Variants in SLC2A7 observed in about 807,000 individuals in gnomAD.
SLC2A7 encodes solute carrier family 2, facilitated glucose transporter member 7.
SLC2A7 carries 50 observed loss-of-function variants against 50.5 expected under a neutral mutation model. The ratio of observed to expected loss-of-function variants is 0.99; its 90% confidence interval spans 0.79 to 1.25. The LOEUF (loss-of-function observed/expected upper bound fraction) is 1.25, where lower values mean the gene tolerates loss of function less well. SLC2A7 is among the 50% of genes most tolerant of loss of function. SLC2A7 has a pLI of 0.00. For synonymous variants in SLC2A7, 308 were observed against 300.4 expected, an observed-to-expected ratio of 1.03 and a Z score of -0.26; for missense variants, 683 against 679.1, an observed-to-expected ratio of 1.01 and a Z score of -0.06.
intron 9 of SLC2A7, among the ~76,000 whole-genome samples, chr1:9,009,695 G>A (rs1640715874): frequency 1.3e-5 from 2 of 152,114 alleles, no homozygotes; most frequent in South Asian, 2.1e-4. Context: ...TGGGCTCAAT[G>A]GGTCCTCCTG....
At chr1:9,011,972 A>T (rs751230913) in intron 8 of SLC2A7, among the ~76,000 whole-genome samples, 30 of 150,282 alleles carry the variant, frequency 2.0e-4, no homozygotes, top group Non-Finnish European at 4.3e-4. Context: ...CTGGTCTCGA[A>T]CTCCTGACGT....
At position 9,026,369 on chromosome 1, in the gene SLC2A7, T is replaced by G. The variant is rs1201936934; in HGVS notation, c.-24A>C. 1 of 1,590,244 alleles carries G rather than the reference T, an allele frequency of 6.3e-7. No homozygotes were observed. Among genetic ancestry groups the G allele is most frequent in the Non-Finnish European group, 8.6e-7 (1 of 1,166,828 alleles). On this transcript the variant is annotated 5_prime_UTR_variant, in exon 1 of 12. Transcript: ENST00000400906. ...ATCCTTGTTCAGGTGGGAGAACAGGTGTGCTCTACCTCCCAAGTGACACCT... is the reference window on the plus strand; with the variant it reads ...ATCCTTGTTCAGGTGGGAGAACAGGGGTGCTCTACCTCCCAAGTGACACCT...
intron 1 of SLC2A7, among the ~76,000 whole-genome samples, chr1:9,025,662 T>C (rs1302097228): frequency 6.6e-6 from 1 of 152,194 alleles, no homozygotes; most frequent in Non-Finnish European, 1.5e-5. Flanking sequence ...TGCTTGCCTC[T>C]GCCTCTAGAA....
intron 5 of SLC2A7, among the ~76,000 whole-genome samples, chr1:9,017,647 G>C (rs1212030760): frequency 6.6e-6 from 1 of 152,178 alleles, no homozygotes; most frequent in African/African-American, 2.4e-5. Flanking sequence ...CTGCGAATCT[G>C]GTTAAATATG....
chr1:8,996,884 T>C, the SLC2A7 span, among the ~76,000 whole-genome samples: 1 of 152,048 alleles, frequency 6.6e-6, no homozygotes, highest in African/African-American at 2.4e-5. Flanking sequence ...CAAGCAATTC[T>C]CCTGCCTCAG....
chr1:9,000,274 G>A (rs1302353592), downstream of SLC2A7, among the ~76,000 whole-genome samples: 1 of 152,118 alleles, frequency 6.6e-6, no homozygotes, highest in Non-Finnish European at 1.5e-5. Flanking sequence ...AGTGAGCCAT[G>A]ATTGCCACTG....
chr1:9,004,592 G>A (rs1209728904), intron 11 of SLC2A7, among the ~76,000 whole-genome samples, 160 bp downstream of exon 11: 2 of 152,200 alleles, frequency 1.3e-5, no homozygotes, highest in Non-Finnish European at 2.9e-5. Context: ...TGTCTTCAAG[G>A]GTTTGCAGGC....
At chr1:9,009,247 T>C (rs1350043858) in intron 9 of SLC2A7, among the ~76,000 whole-genome samples, 1 of 152,260 alleles carries the variant, frequency 6.6e-6, no homozygotes, top group African/African-American at 2.4e-5. Context: ...CTGCCGTTCC[T>C]GCACAAGCAA....
chr1:8,998,194 A>T (rs147636764), downstream of SLC2A7, among the ~76,000 whole-genome samples: 52 of 152,304 alleles, frequency 3.4e-4, no homozygotes, highest in African/African-American at 1.2e-3. Flanking sequence ...ACTTGAGGTC[A>T]GGAGTTCAAG....
chr1:9,002,431 C>T (rs1040828476), downstream of SLC2A7, among the ~76,000 whole-genome samples: 1 of 152,206 alleles, frequency 6.6e-6, no homozygotes, highest in Non-Finnish European at 1.5e-5. Flanking sequence ...GGCGGCAATA[C>T]TGCTCTTTAC....
intron 2 of SLC2A7, among the ~76,000 whole-genome samples, chr1:9,023,963 C>T (rs1182203440): frequency 7.0e-6 from 1 of 143,444 alleles, no homozygotes; most frequent in East Asian, 2.2e-4. Context: ...TCAAGTGATT[C>T]TCCTGTCTCA....
At chr1:9,012,793 C>A (rs1640765517) in intron 8 of SLC2A7, among the ~76,000 whole-genome samples, 1 of 152,112 alleles carries the variant, frequency 6.6e-6, no homozygotes, top group Non-Finnish European at 1.5e-5. Flanking sequence ...GAAACTGCAC[C>A]AACAAAAAGG....
At position 9,003,291 on chromosome 1, in the gene SLC2A7, G is replaced by A. The variant is rs1404184438; in HGVS notation, c.*9C>T. 3.1e-6 allele frequency: 5 copies of A among 1,613,682 alleles called. No individual in the cohort carries two copies. The highest frequency in any genetic ancestry group is 4.2e-6 in the Non-Finnish European group (5 of 1,179,742). Reference sequence around the variant, plus strand: ...TTGAATATGGGCTCCCGTCCTTCATGCAGGGCCACTAAAAGGAAGTTTCCT... The same window carrying A: ...TTGAATATGGGCTCCCGTCCTTCATACAGGGCCACTAAAAGGAAGTTTCCT... On this transcript the variant is annotated 3_prime_UTR_variant, in exon 12 of 12. Transcript: ENST00000400906.
rs752409471 is a variant in SLC2A7, at chr1:9,013,555, G to A, written c.984C>T (p.Gly328=). Residue 328 remains glycine (G), a synonymous_variant, in exon 8 of 12, where the codon GGC becomes GGT. Coordinates refer to ENST00000400906, the MANE Select transcript of SLC2A7 (RefSeq NM_207420.3). The part of the protein sequence containing the change: ...AHSQYVTVGS[G]VVNIVMTITS... The stretch of plus-strand genomic sequence containing the variant: ...TGATGGTCATCACTATGTTGACGAC[G>A]CCAGAGCCCACCGTTACATATTGGG... The A allele has an allele frequency of 8.7e-6, 14 of 1,613,920 alleles. No individual in the cohort carries two copies. The highest frequency in any genetic ancestry group is 2.2e-5 in the East Asian group (1 of 44,878).
At chr1:9,020,255 G>A (rs1640892598) in intron 3 of SLC2A7, among the ~76,000 whole-genome samples, 1 of 152,176 alleles carries the variant, frequency 6.6e-6, no homozygotes, top group African/African-American at 2.4e-5. Context: ...GCTGTCCCAG[G>A]AGGTAGAGAG....
At chr1:9,017,466 C>A (rs1200979399) in intron 5 of SLC2A7, among the ~76,000 whole-genome samples, 1 of 152,152 alleles carries the variant, frequency 6.6e-6, no homozygotes, top group Non-Finnish European at 1.5e-5. Context: ...TGTACAGAGG[C>A]CAAGAAGGAC....
intron 3 of SLC2A7, among the ~76,000 whole-genome samples, chr1:9,021,678 C>A (rs1431736115): frequency 6.6e-6 from 1 of 152,180 alleles, no homozygotes; most frequent in East Asian, 1.9e-4. Context: ...AGAGCACATC[C>A]CCCATCACGG....
At chr1:9,006,541 C>A (rs1640655917) in intron 10 of SLC2A7, among the ~76,000 whole-genome samples, 1 of 152,220 alleles carries the variant, frequency 6.6e-6, no homozygotes, top group Non-Finnish European at 1.5e-5. Flanking sequence ...CATGAGCCAC[C>A]ATGCCAGGCC....
At chr1:9,009,736 G>C (rs898133004) in intron 9 of SLC2A7, among the ~76,000 whole-genome samples, 1 of 152,248 alleles carries the variant, frequency 6.6e-6, no homozygotes, top group Non-Finnish European at 1.5e-5. Flanking sequence ...AGGATTGCAG[G>C]AGTGAGCCAC....
Sources: allele counts gnomAD v4.1 joint callset (sites outside exome capture counted in the v4.1 genomes callset), GRCh38; gene constraint gnomAD v4.1.1; transcripts MANE v1.5; gene names NCBI Gene and HGNC (gene_info 2026-07-23, HGNC 2026-07-21).